Variants in WDR27 observed in about 807,000 individuals in gnomAD.
The protein encoded by WDR27 is WD repeat-containing protein 27.
A neutral mutation model predicts 114.4 loss-of-function variants in WDR27; 100 were observed. The ratio of observed to expected loss-of-function variants is 0.87; its 90% CI spans 0.74 to 1.03. The LOEUF (loss-of-function observed/expected upper bound fraction) is 1.03. Ranked by LOEUF, WDR27 falls within the 50% of genes least tolerant of loss-of-function variation. WDR27 has a pLI of 0.00. For synonymous variants in WDR27, 449 were observed against 423.1 expected (o/e 1.06, Z -0.75); for missense variants, 1,129 against 1,092.9 (o/e 1.03, Z -0.47).
intron 21 of WDR27, among the ~76,000 whole-genome samples, chr6:169,624,993 C>G (rs149599919): frequency 2.6e-4 from 39 of 152,344 alleles, no homozygotes; most frequent in African/African-American, 7.7e-4. Flanking sequence ...CTGAGGGGAC[C>G]TGCAAGATGC....
At chr6:169,583,041 T>TACAACAGCA in intron 23 of WDR27, 107 bp from the exon 24 acceptor site, 1 of 885,776 alleles carries the variant, frequency 1.1e-6, no homozygotes, top group East Asian at 2.8e-5. Flanking sequence ...GTTGATCAGA[T>TACAACAGCA]ACAACAGCAA....
rs542072182 is a variant in WDR27, at chr6:169,507,912, GC to G, written c.2646-50279del. On this transcript the variant is annotated intron_variant, in intron 25 of 25. Coordinates refer to ENST00000448612, the MANE Select transcript of WDR27 (RefSeq NM_182552.5). ...TAGCCACTCTACAGGTCACAGCAAT[GC>G]CCTTATAAACTGACCTTCCAACTGC... Among the ~76,000 whole-genome samples, 36 of 152,278 alleles carry G rather than the reference GC, an allele frequency of 2.4e-4. No individual in the cohort carries two copies. In the South Asian group the frequency reaches 3.5e-3, roughly 15 times the overall value.
the WDR27 span, among the ~76,000 whole-genome samples, chr6:169,439,198 A>C: frequency 6.6e-6 from 1 of 152,226 alleles, no homozygotes; most frequent in South Asian, 2.1e-4. Flanking sequence ...CTAAAATTAT[A>C]TTTAGATGGA....
intron 25 of WDR27, among the ~76,000 whole-genome samples, chr6:169,555,483 T>C (rs572446933): frequency 6.6e-6 from 1 of 152,102 alleles, no homozygotes; most frequent in African/African-American, 2.4e-5. Context: ...CTACAGGCAG[T>C]GAAGAGGATG....
At chr6:169,677,147 C>G (rs146399388) in intron 2 of WDR27, among the ~76,000 whole-genome samples, 2 of 152,170 alleles carry the variant, frequency 1.3e-5, no homozygotes, top group African/African-American at 2.4e-5. Flanking sequence ...CAGAGGAAGA[C>G]GAGATGCTGA....
At chr6:169,675,601 T>C (rs543796528) in intron 2 of WDR27, among the ~76,000 whole-genome samples, 2 of 152,078 alleles carry the variant, frequency 1.3e-5, no homozygotes, top group Non-Finnish European at 2.9e-5. Flanking sequence ...ACTTAAGAAA[T>C]ACATTGGTTT....
intron 8 of WDR27, among the ~76,000 whole-genome samples, chr6:169,662,672 C>T (rs537781177): frequency 7.1e-6 from 1 of 140,202 alleles, no homozygotes; most frequent in Non-Finnish European, 1.5e-5. Context: ...GCGGAGCATT[C>T]GGATCACGTG....
chr6:169,700,899 T>C (rs1787777907), intron 1 of WDR27, among the ~76,000 whole-genome samples: 1 of 152,224 alleles, frequency 6.6e-6, no homozygotes, highest in South Asian at 2.1e-4. Flanking sequence ...GGAATATCCA[T>C]GTACATACAT....
chr6:169,538,845 T>A (rs1413634569), intron 25 of WDR27, among the ~76,000 whole-genome samples: 2 of 152,182 alleles, frequency 1.3e-5, no homozygotes, highest in East Asian at 3.9e-4. Flanking sequence ...CATTTTGTAA[T>A]CATGACATTA....
At chr6:169,440,970 T>C in the WDR27 span, among the ~76,000 whole-genome samples, 14 of 150,050 alleles carry the variant, frequency 9.3e-5, no homozygotes, top group Admixed American at 9.2e-4. Context: ...TATTATATTG[T>C]TGCTGGGTTT....
At position 169,684,586 on chromosome 6, in the gene WDR27, C is replaced by G. The variant is rs4530866; in HGVS notation, c.189+4231G>C. ...CCTATAGTAGCCCTGTGCCCACACC[C>G]AGGAGACATACCCCCAGGTCAGCCA... On this transcript the variant is annotated intron_variant, in intron 2 of 25. Transcript: ENST00000448612. This position sits in a 1 kb window ranked among gnomAD's most constrained non-coding sequence, Gnocchi z 4.3. 1.6e-4 allele frequency among the ~76,000 whole-genome samples: 25 copies of G among 152,296 alleles called. No homozygotes were observed. Among genetic ancestry groups the G allele is most frequent in the Admixed American group, 1.6e-3 (25 of 15,298 alleles).
intron 21 of WDR27, among the ~76,000 whole-genome samples, chr6:169,626,164 C>T (rs969439359): frequency 2.6e-5 from 4 of 152,148 alleles, no homozygotes; most frequent in Non-Finnish European, 4.4e-5. Flanking sequence ...TGATGATAGG[C>T]GGAGACAAGC....
intron 25 of WDR27, among the ~76,000 whole-genome samples, chr6:169,526,617 C>T (rs1377147236): frequency 6.7e-6 from 1 of 149,428 alleles, no homozygotes; most frequent in African/African-American, 2.5e-5. Flanking sequence ...TGTCTCAGAA[C>T]AATAAATAAA....
chr6:169,636,257 G>T, intron 19 of WDR27, 114 bp downstream of exon 19: 2 of 1,244,698 alleles, frequency 1.6e-6, no homozygotes, highest in Non-Finnish European at 2.2e-6. Flanking sequence ...TTGGTGATAT[G>T]AGGTCATTAT....
chr6:169,440,571 G>A, the WDR27 span, among the ~76,000 whole-genome samples: 4 of 152,018 alleles, frequency 2.6e-5, no homozygotes, highest in African/African-American at 7.3e-5. Flanking sequence ...TAATAAGACC[G>A]TTGCCCCTCT....
chr6:169,590,905 C>T (rs1396251854), intron 23 of WDR27, among the ~76,000 whole-genome samples: 1 of 152,206 alleles, frequency 6.6e-6, no homozygotes, highest in East Asian at 1.9e-4. Context: ...ATTTAGGGTA[C>T]TTCCACACTG....
At chr6:169,558,303 A>G (rs1022076772) in intron 25 of WDR27, 1 of 152,176 alleles carries the variant, frequency 6.6e-6, no homozygotes, top group Non-Finnish European at 1.5e-5. Context: ...GGAAGCATCA[A>G]TTGAACAGGG....
chr6:169,469,212 G>C (rs1171938319), intron 25 of WDR27, among the ~76,000 whole-genome samples: 1 of 152,268 alleles, frequency 6.6e-6, no homozygotes, highest in Non-Finnish European at 1.5e-5. Flanking sequence ...ACTCATTCCA[G>C]CATCAACTCT....
chr6:169,636,130 G>A (rs1255143351), intron 19 of WDR27, among the ~76,000 whole-genome samples: 1 of 152,140 alleles, frequency 6.6e-6, no homozygotes, highest in Non-Finnish European at 1.5e-5. Flanking sequence ...GATGATAATT[G>A]AGGATTCTCA....
Sources: allele counts gnomAD v4.1 joint callset (sites outside exome capture counted in the v4.1 genomes callset), GRCh38; gene constraint gnomAD v4.1.1; non-coding constraint Gnocchi (gnomAD v3.1); transcripts MANE v1.5; gene names NCBI Gene and HGNC (gene_info 2026-07-23, HGNC 2026-07-21).